The following SAP130 variants were observed in gnomAD, a reference collection of about 807,000 sequenced individuals.
SAP130 encodes the protein histone deacetylase complex subunit SAP130.
SAP130 carries 16 observed loss-of-function variants against 103.2 expected under a neutral mutation model. The ratio of observed to expected loss-of-function variants is 0.16; its 90% CI spans 0.10 to 0.24. The LOEUF (loss-of-function observed/expected upper bound fraction) is 0.24, where lower values mean the gene tolerates loss of function less well. Ranked by LOEUF, SAP130 falls within the 10% of genes least tolerant of loss-of-function variation. SAP130 has a pLI of 1.00. For synonymous variants in SAP130, 477 were observed against 497.0 expected (o/e 0.96, Z 0.53); for missense variants, 990 against 1,359.7 (o/e 0.73, Z 4.28).
At chr2:127,946,882 A>G (rs1336688665) in intron 18 of SAP130, among the ~76,000 whole-genome samples, 2 of 149,554 alleles carry the variant, frequency 1.3e-5, no homozygotes, top group Non-Finnish European at 3.0e-5. Flanking sequence ...AGACTCCGTC[A>G]CAAGAAAAAA....
intron 15 of SAP130, among the ~76,000 whole-genome samples, chr2:127,957,656 G>A (rs1297785932): frequency 6.6e-6 from 1 of 150,804 alleles, no homozygotes; most frequent in South Asian, 2.1e-4. Context: ...AGCCACAACA[G>A]AGCGAGACCC....
rs966297496 is a variant in SAP130, at chr2:127,989,937, C to T, written c.1478-71G>A. On this transcript the variant is annotated intron_variant, in intron 12 of 20. Coordinates refer to ENST00000643581, the MANE Select transcript of SAP130 (RefSeq NM_001330301.2). The surrounding 1 kb of genome is among the most constrained non-coding windows in gnomAD (Gnocchi z 4.6). ...CACACAGTCCACATAAAGAGAGAAA[C>T]ACTAAAAACGGATTTCCTCCACTGT... 2.8e-6 allele frequency: 4 copies of T among 1,404,102 alleles called. No individual in the cohort carries two copies. Among genetic ancestry groups the T allele is most frequent in the Non-Finnish European group, 2.9e-6 (3 of 1,031,390 alleles). 87.0% of individuals were successfully genotyped at this position (1,404,102 alleles called of 1,614,324 possible). A position where few individuals can be genotyped will look rare whatever the true frequency, so the allele number is the denominator to read the frequency against.
chr2:127,947,029 G>C (rs942814780), intron 18 of SAP130, among the ~76,000 whole-genome samples: 1 of 150,564 alleles, frequency 6.6e-6, no homozygotes, highest in Non-Finnish European at 1.5e-5. Context: ...GAGAGAAGGA[G>C]AGAGAGAGAG....
chr2:127,965,616 C>G (rs1314159829), intron 15 of SAP130, among the ~76,000 whole-genome samples: 2 of 151,916 alleles, frequency 1.3e-5, no homozygotes, highest in African/African-American at 2.4e-5. Context: ...ATGGGAAAAC[C>G]CTGTCTCTAC....
chr2:127,987,847 A>C (rs1682509647), intron 13 of SAP130, among the ~76,000 whole-genome samples: 1 of 152,190 alleles, frequency 6.6e-6, no homozygotes, highest in Non-Finnish European at 1.5e-5. Flanking sequence ...AGATATTTTA[A>C]CTATACACTT....
At chr2:128,018,285 T>G (rs1212170201) in intron 2 of SAP130, among the ~76,000 whole-genome samples, 2 of 127,800 alleles carry the variant, frequency 1.6e-5, no homozygotes, top group South Asian at 2.3e-4. Context: ...CTGGCCAACA[T>G]GGCAAAACCC....
rs748208236 is a variant in SAP130 at position 127,989,805 on chromosome 2, G to A, written c.1539C>T (p.Thr513=). 6.2e-6 allele frequency: 10 copies of A among 1,614,064 alleles called. No individual in the cohort carries two copies. Among genetic ancestry groups the A allele is most frequent in the East Asian group, 4.5e-5 (2 of 44,896 alleles). Residue 513 remains threonine (T), a synonymous_variant, in exon 13 of 21, where the codon ACC becomes ACT. Coordinates refer to ENST00000643581, the MANE Select transcript of SAP130 (RefSeq NM_001330301.2). The surrounding 1 kb of genome is among the most constrained non-coding windows in gnomAD (Gnocchi z 4.6). ...TAQTGVGVAS[T]VHLNPMQLMT... ...TCAACTGCATGGGGTTTAGGTGGAC[G>A]GTAGACGCTACCCCAACACCAGTCT...
At chr2:127,991,777 A>G (rs1028498083) in intron 12 of SAP130, among the ~76,000 whole-genome samples, 1 of 152,228 alleles carries the variant, frequency 6.6e-6, no homozygotes, top group African/African-American at 2.4e-5. Context: ...CCTACAACTG[A>G]AAAAGTAGTT....
At chr2:127,982,383 C>A (rs139953350) in intron 14 of SAP130, among the ~76,000 whole-genome samples, 4 of 152,194 alleles carry the variant, frequency 2.6e-5, no homozygotes, top group African/African-American at 9.6e-5. Context: ...TGGAGAGGAG[C>A]CCATAGAGCT....
intron 15 of SAP130, among the ~76,000 whole-genome samples, chr2:127,968,419 T>C (rs10195292): frequency 7.5e-6 from 1 of 133,416 alleles, no homozygotes; most frequent in Non-Finnish European, 1.6e-5. Context: ...AGTTGGTTTT[T>C]TTTTTTTTTT....
intron 1 of SAP130, among the ~76,000 whole-genome samples, chr2:128,027,508 AGGGGGCG>A (rs1160882917): frequency 4.0e-5 from 6 of 151,826 alleles, no homozygotes. Flanking sequence ...CCCCCGGCGA[AGGGGGCG>A]GGGAGCGGGG....
chr2:127,945,409 C>T, intron 19 of SAP130, 47 bp downstream of exon 19: 5 of 1,144,782 alleles, frequency 4.4e-6, no homozygotes, highest in Non-Finnish European at 6.6e-6. Flanking sequence ...TCTGCAGTGT[C>T]TTCTCCTCTC....
chr2:127,990,003 A>G, intron 12 of SAP130, 137 bp from the exon 13 acceptor site: 1 of 775,622 alleles, frequency 1.3e-6, no homozygotes, highest in East Asian at 2.7e-5. Flanking sequence ...ATAAATAAAT[A>G]AACATTGTTA....
At position 127,949,762 on chromosome 2, in the gene SAP130, AT is replaced by A. The variant is rs1486876109; in HGVS notation, c.2797+106del. The A allele has an allele frequency of 6.8e-6, 8 of 1,183,828 alleles. No homozygotes were observed. In the African/African-American group the frequency reaches 1.2e-4, roughly 18 times the overall value. The allele number at this position is 1,183,828 out of a possible 1,614,324, so 73.3% of individuals were successfully genotyped here. Reference sequence around the variant, plus strand: ...CCTCAAGATTTTGTAACAAAAACTTATGGTTTTTTTGAAACCGGAAAATTGT... The same window carrying A: ...CCTCAAGATTTTGTAACAAAAACTTAGGTTTTTTTGAAACCGGAAAATTGT... On this transcript the variant is annotated intron_variant, in intron 18 of 20. Coordinates refer to ENST00000643581, the MANE Select transcript of SAP130 (RefSeq NM_001330301.2).
chr2:127,949,257 T>G (rs1395885371), intron 18 of SAP130, among the ~76,000 whole-genome samples: 1 of 152,200 alleles, frequency 6.6e-6, no homozygotes, highest in Non-Finnish European at 1.5e-5. Flanking sequence ...ACATATATTA[T>G]ATTTGAGATT....
In SAP130 at chr2:127,955,598, C is replaced by T. The variant is rs1162165897; in HGVS notation, c.2064-254G>A. 3.3e-5 allele frequency among the ~76,000 whole-genome samples: 5 copies of T among 152,128 alleles called. No individual in the cohort carries two copies. The highest frequency in any genetic ancestry group is 5.9e-5 in the Non-Finnish European group (4 of 68,030). On this transcript the variant is annotated intron_variant, in intron 15 of 20. Coordinates refer to ENST00000643581, the MANE Select transcript of SAP130 (RefSeq NM_001330301.2). This position sits in a 1 kb window ranked among gnomAD's most constrained non-coding sequence, Gnocchi z 4.9. ...GTCTTCTGGGCTCGAGGGATTCTCC[C>T]ACCTCATCCTCCCGAGTAGCTGAGA... is the stretch of plus-strand genomic sequence containing the variant.
chr2:128,000,105 T>C lies in SAP130; in HGVS notation c.1059A>G (p.Thr353=), dbSNP rs938524064. ...FSTGTPVAAA[T]VAPILATNTI... Reference sequence around the variant, plus strand: ...TGTTGGTTGCCAAAATAGGTGCTACTGTGGCTGCAGCCACTGGCGTGCCAG... The same window carrying C: ...TGTTGGTTGCCAAAATAGGTGCTACCGTGGCTGCAGCCACTGGCGTGCCAG... The change falls in exon 9 of 21, where the codon ACA becomes ACG. Residue 353 remains threonine (T), a synonymous_variant. Coordinates refer to ENST00000643581, the MANE Select transcript of SAP130 (RefSeq NM_001330301.2). 8.7e-6 allele frequency: 14 copies of C among 1,614,004 alleles called. No homozygotes were observed. The African/African-American group carries it at 1.7e-4, about 20-fold the overall frequency.
At chr2:127,958,635 TGAGAGAGAGA>T (rs372337440) in intron 15 of SAP130, among the ~76,000 whole-genome samples, 7,308 of 127,612 alleles carry the variant, frequency 0.057, 268 homozygotes, top group Middle Eastern at 0.14. Flanking sequence ...GTGAGACAGA[TGAGAGAGAGA>T]GAGAGAGAGA....
chr2:127,985,189 AT>A (rs1682285753), intron 14 of SAP130, among the ~76,000 whole-genome samples: 2 of 152,236 alleles, frequency 1.3e-5, no homozygotes, highest in Admixed American at 1.3e-4. Context: ...AGACAGAAAG[AT>A]TTTAGATGTG....
Sources: allele counts gnomAD v4.1 joint callset (sites outside exome capture counted in the v4.1 genomes callset), GRCh38; gene constraint gnomAD v4.1.1; non-coding constraint Gnocchi (gnomAD v3.1); transcripts MANE v1.5; gene names NCBI Gene and HGNC (gene_info 2026-07-23, HGNC 2026-07-21).